Variants in GRK3 observed in about 807,000 individuals in gnomAD.
GRK3 encodes adrenergic, beta, receptor kinase 2.
A neutral mutation model predicts 95.7 loss-of-function variants in GRK3; 54 were observed. The ratio of observed to expected loss-of-function variants is 0.56; its 90% CI spans 0.45 to 0.71. The LOEUF (loss-of-function observed/expected upper bound fraction) is 0.71, where lower values mean the gene tolerates loss of function less well. GRK3 is among the 30% of genes least tolerant of loss of function. The pLI, the probability that GRK3 is intolerant of heterozygous loss-of-function variation, is 0.00. For synonymous variants in GRK3, 281 were observed against 290.8 expected (o/e 0.97, Z 0.34); for missense variants, 649 against 851.2 (o/e 0.76, Z 2.96).
chr22:25,567,404 T>C (rs1931528495), intron 1 of GRK3, among the ~76,000 whole-genome samples: 1 of 152,224 alleles, frequency 6.6e-6, no homozygotes, highest in Non-Finnish European at 1.5e-5. Context: ...TGCAAAATTC[T>C]CTCTACCACT....
chr22:25,588,134 A>G (rs1205657392), intron 1 of GRK3, among the ~76,000 whole-genome samples: 1 of 152,204 alleles, frequency 6.6e-6, no homozygotes, highest in Non-Finnish European at 1.5e-5. Flanking sequence ...TTTCAAGTAT[A>G]AAGGTTCAGT....
At chr22:25,710,713 T>C (rs1323588203) in intron 16 of GRK3, among the ~76,000 whole-genome samples, 1 of 152,222 alleles carries the variant, frequency 6.6e-6, no homozygotes, top group Non-Finnish European at 1.5e-5. Flanking sequence ...CATTGTCTGT[T>C]GTGGCTCCGG....
chr22:25,608,846 G>A (rs2084473182), intron 2 of GRK3, among the ~76,000 whole-genome samples: 1 of 152,240 alleles, frequency 6.6e-6, no homozygotes, highest in Admixed American at 6.5e-5. Context: ...ACTGTGAGAT[G>A]ATACGTGGGT....
At chr22:25,627,792 C>G (rs2084638248) in intron 2 of GRK3, among the ~76,000 whole-genome samples, 1 of 152,188 alleles carries the variant, frequency 6.6e-6, no homozygotes, top group African/African-American at 2.4e-5. Context: ...TGCAGGCTGT[C>G]TATTTCAAAG....
intron 2 of GRK3, among the ~76,000 whole-genome samples, chr22:25,630,692 T>C (rs889773172): frequency 6.6e-6 from 1 of 152,218 alleles, no homozygotes; most frequent in Non-Finnish European, 1.5e-5. Flanking sequence ...TTTGGCCACA[T>C]TCATTTCCAT....
chr22:25,664,340 G>T (rs1285355502), intron 5 of GRK3, among the ~76,000 whole-genome samples: 1 of 152,104 alleles, frequency 6.6e-6, no homozygotes, highest in Non-Finnish European at 1.5e-5. Context: ...GGTGGCAGTG[G>T]TTTACAAGGA....
chr22:25,577,226 G>A (rs919865963), intron 1 of GRK3, among the ~76,000 whole-genome samples: 4 of 151,678 alleles, frequency 2.6e-5, no homozygotes, highest in Non-Finnish European at 4.4e-5. Context: ...AGGCTGGAGT[G>A]CAGCGGTGTG....
At chr22:25,652,645 A>T (rs1490631967) in intron 3 of GRK3, among the ~76,000 whole-genome samples, 4 of 152,132 alleles carry the variant, frequency 2.6e-5, no homozygotes, top group African/African-American at 9.7e-5. Context: ...TCAGTCAGGG[A>T]TGTTTATTTT....
chr22:25,692,537 C>T (rs570746559), intron 12 of GRK3, among the ~76,000 whole-genome samples: 7 of 152,368 alleles, frequency 4.6e-5, no homozygotes, highest in South Asian at 2.1e-4. Flanking sequence ...CCTCCTCGAA[C>T]GAGCAGCCCT....
chr22:25,680,132 T>C (rs943276678), intron 9 of GRK3, among the ~76,000 whole-genome samples: 2 of 152,212 alleles, frequency 1.3e-5, no homozygotes, highest in Admixed American at 6.5e-5. Flanking sequence ...GAAGAGGTAT[T>C]TGCTATTGAA....
intron 9 of GRK3, chr22:25,684,472 T>C (rs2085098316): frequency 6.6e-6 from 1 of 152,224 alleles, no homozygotes; most frequent in Non-Finnish European, 1.5e-5. Flanking sequence ...GTCATGATAA[T>C]AGTTTTCCAC....
intron 20 of GRK3, among the ~76,000 whole-genome samples, chr22:25,721,822 G>A (rs1036122718): frequency 4.6e-5 from 7 of 152,170 alleles, no homozygotes; most frequent in African/African-American, 1.7e-4. Context: ...TGGACACTTT[G>A]TGACTGGTTC....
intron 19 of GRK3, 46 bp from the exon 20 acceptor site, chr22:25,721,238 A>T: frequency 5.3e-6 from 6 of 1,124,414 alleles, no homozygotes; most frequent in Non-Finnish European, 7.8e-6. Context: ...ACTACTTAAG[A>T]AATCACAAAA....
intron 10 of GRK3, among the ~76,000 whole-genome samples, chr22:25,686,447 G>A (rs1246106990): frequency 1.3e-5 from 2 of 152,138 alleles, no homozygotes; most frequent in Non-Finnish European, 2.9e-5. Flanking sequence ...AGGGCATAGT[G>A]GTAGGGGAGC....
Position 25,658,439 on chromosome 22 carries a change from T to C in GRK3, c.265-3137T>C, listed in dbSNP as rs149224711. Among the ~76,000 whole-genome samples, 125 of 152,358 alleles carry C rather than the reference T, an allele frequency of 8.2e-4. 1 individual carries two copies. The highest frequency in any genetic ancestry group is 2.8e-3 in the African/African-American group (115 of 41,586). On this transcript the variant is annotated intron_variant, in intron 3 of 20. Transcript: ENST00000324198. ...TCAGTTCTTTAAGGCTCAGCTAGGC[T>C]GCTTAGGGTCTGTCATGCTCATGTG...
chr22:25,663,733 G>T lies in GRK3; in HGVS notation c.441+29G>T, dbSNP rs115818156. Reference sequence around the variant, plus strand: ...AGATAAAATTATTCCAAAATAAATAGATAATATTTGCTTAACACTTGGCCT... The same window carrying T: ...AGATAAAATTATTCCAAAATAAATATATAATATTTGCTTAACACTTGGCCT... On this transcript the variant is annotated intron_variant, in intron 5 of 20. Transcript: ENST00000324198. 442 of 1,491,604 alleles carry T rather than the reference G, an allele frequency of 3.0e-4. 2 individuals are homozygous for T. The African/African-American group carries it at 5.0e-3, about 17-fold the overall frequency. The allele number at this position is 1,491,604 out of a possible 1,614,324, so 92.4% of individuals were successfully genotyped here. A position where few individuals can be genotyped will look rare whatever the true frequency, so the allele number is the denominator to read the frequency against.
At chr22:25,718,451 C>G (rs1384839166) in intron 19 of GRK3, 70 bp downstream of exon 19, 2 of 1,533,054 alleles carry the variant, frequency 1.3e-6, no homozygotes, top group African/African-American at 1.4e-5. Flanking sequence ...TTTCATGTTG[C>G]TGACATGTTT....
intron 1 of GRK3, among the ~76,000 whole-genome samples, chr22:25,591,279 G>T (rs1188595738): frequency 6.6e-6 from 1 of 152,212 alleles, no homozygotes; most frequent in Non-Finnish European, 1.5e-5. Flanking sequence ...GCAGGGTCTT[G>T]CAGGGAGGGG....
At chr22:25,590,407 A>G (rs1053240974) in intron 1 of GRK3, among the ~76,000 whole-genome samples, 1 of 151,956 alleles carries the variant, frequency 6.6e-6, no homozygotes, top group Non-Finnish European at 1.5e-5. Context: ...TTTTTGACCT[A>G]TACATTCCTC....
Sources: allele counts gnomAD v4.1 joint callset (sites outside exome capture counted in the v4.1 genomes callset), GRCh38; gene constraint gnomAD v4.1.1; transcripts MANE v1.5; gene names NCBI Gene and HGNC (gene_info 2026-07-23, HGNC 2026-07-21).